The following NELL1 variants were observed in gnomAD, a reference collection of about 807,000 sequenced individuals.
The protein encoded by NELL1 is protein kinase C-binding protein NELL1.
Under a neutral mutation model 107.4 loss-of-function variants are expected in NELL1, and 76 were observed. The ratio of observed to expected loss-of-function variants is 0.71; its 90% CI spans 0.59 to 0.86. NELL1 has a LOEUF of 0.86. NELL1 is among the 40% of genes least tolerant of loss of function. NELL1 has a pLI of 0.00. For missense variants in NELL1, 1,024 were observed against 1,005.5 expected (o/e 1.02, Z -0.25); for synonymous variants, 353 against 341.2 (o/e 1.03, Z -0.38).
intron 15 of NELL1, among the ~76,000 whole-genome samples, chr11:21,529,056 C>A (rs1855931400): frequency 6.6e-6 from 1 of 152,022 alleles, no homozygotes; most frequent in Non-Finnish European, 1.5e-5. Flanking sequence ...CAACTCCAAG[C>A]AGTAATGGCT....
intron 16 of NELL1, among the ~76,000 whole-genome samples, chr11:21,542,561 G>A (rs1392729755): frequency 6.6e-6 from 1 of 151,994 alleles, no homozygotes; most frequent in Non-Finnish European, 1.5e-5. Context: ...GGATAACTAC[G>A]CGACATGTTT....
intron 3 of NELL1, among the ~76,000 whole-genome samples, chr11:20,812,229 G>C (rs1242833040): frequency 6.6e-6 from 1 of 152,026 alleles, no homozygotes; most frequent in Non-Finnish European, 1.5e-5. Context: ...CTCATGTGCT[G>C]CATTATGCTT....
intron 15 of NELL1, among the ~76,000 whole-genome samples, chr11:21,510,925 A>G (rs1428302314): frequency 6.6e-6 from 1 of 152,212 alleles, no homozygotes; most frequent in African/African-American, 2.4e-5. Context: ...TTGTAGTTTT[A>G]TTTAAGATAA....
chr11:21,206,660 GCCACAA>G (rs1857396020), intron 13 of NELL1, among the ~76,000 whole-genome samples: 1 of 152,100 alleles, frequency 6.6e-6, no homozygotes, highest in South Asian at 2.1e-4. Flanking sequence ...TGGACAGGGA[GCCACAA>G]CCACTGATGA....
intron 14 of NELL1, among the ~76,000 whole-genome samples, chr11:21,247,692 C>T (rs1032044493): frequency 2.6e-5 from 4 of 152,196 alleles, no homozygotes; most frequent in Admixed American, 6.5e-5. Flanking sequence ...TGATTAAAAA[C>T]AATAGCACAG....
intron 16 of NELL1, among the ~76,000 whole-genome samples, chr11:21,549,166 T>C (rs1190415628): frequency 6.6e-6 from 1 of 151,870 alleles, no homozygotes; most frequent in African/African-American, 2.4e-5. Flanking sequence ...TGAGAAGCAG[T>C]GATCATTTAA....
chr11:20,824,196 T>C (rs955229560), intron 3 of NELL1, among the ~76,000 whole-genome samples: 1 of 151,250 alleles, frequency 6.6e-6, no homozygotes, highest in East Asian at 1.9e-4. Context: ...TTATTCCTGC[T>C]GCCATGTGAA....
chr11:20,813,329 G>T (rs1213979830), intron 3 of NELL1, among the ~76,000 whole-genome samples: 1 of 152,144 alleles, frequency 6.6e-6, no homozygotes. Flanking sequence ...GGGATGTGTT[G>T]TTCACTAACT....
chr11:21,380,169 C>A (rs554680662), intron 15 of NELL1, among the ~76,000 whole-genome samples: 1 of 152,164 alleles, frequency 6.6e-6, no homozygotes, highest in East Asian at 1.9e-4. Flanking sequence ...ATGGCAACTT[C>A]TATCATCAAC....
chr11:20,943,928 G>C (rs890714111), intron 10 of NELL1, among the ~76,000 whole-genome samples: 6 of 152,192 alleles, frequency 3.9e-5, no homozygotes, highest in Non-Finnish European at 7.4e-5. Flanking sequence ...GATAAAGGTA[G>C]CATTTATAAA....
chr11:21,379,433 G>GT (rs1851558309), intron 15 of NELL1, among the ~76,000 whole-genome samples: 1 of 152,028 alleles, frequency 6.6e-6, no homozygotes. Context: ...GTATCCAAGT[G>GT]TTTTTGAAAT....
chr11:21,099,239 A>G (rs1854741990), intron 12 of NELL1, among the ~76,000 whole-genome samples: 1 of 150,930 alleles, frequency 6.6e-6, no homozygotes, highest in Admixed American at 6.6e-5. Flanking sequence ...ACACAAACAC[A>G]CACACACACA....
intron 4 of NELL1, among the ~76,000 whole-genome samples, chr11:20,872,066 A>G (rs1849210911): frequency 6.7e-6 from 1 of 149,880 alleles, no homozygotes; most frequent in Non-Finnish European, 1.5e-5. Context: ...TACTTCCATC[A>G]TAGGCTTGCT....
At chr11:20,811,803 A>G (rs1488136517) in intron 3 of NELL1, among the ~76,000 whole-genome samples, 2 of 152,026 alleles carry the variant, frequency 1.3e-5, no homozygotes, top group Admixed American at 1.3e-4. Context: ...GACCTTATCA[A>G]ATTTATTAGT....
At chr11:20,909,927 C>T (rs1850087450) in intron 5 of NELL1, among the ~76,000 whole-genome samples, 1 of 152,180 alleles carries the variant, frequency 6.6e-6, no homozygotes, top group Admixed American at 6.5e-5. Flanking sequence ...GTCACCATTA[C>T]TGCATATATC....
intron 3 of NELL1, among the ~76,000 whole-genome samples, chr11:20,806,125 C>CTTTT (rs1278998372): frequency 2.2e-5 from 3 of 134,904 alleles, no homozygotes; most frequent in African/African-American, 8.0e-5. Context: ...TATTAATGTC[C>CTTTT]TTTTTTTTTT....
In NELL1 at chr11:20,728,264, T is replaced by C. The variant is rs111784171; in HGVS notation, c.184+50204T>C. Reference sequence around the variant, plus strand: ...TCTCCTGTTCTGTAAATTGTCTGTTTACTCTGTTGATAGTTTCTTTTGCTG... The same window carrying C: ...TCTCCTGTTCTGTAAATTGTCTGTTCACTCTGTTGATAGTTTCTTTTGCTG... On this transcript the variant is annotated intron_variant, in intron 2 of 19. Coordinates refer to ENST00000357134, the MANE Select transcript of NELL1 (RefSeq NM_006157.5). Among the ~76,000 whole-genome samples the C allele has an allele frequency of 8.3e-3, 1,267 of 152,270 alleles. 14 individuals carry two copies. The highest frequency in any genetic ancestry group is 0.029 in the African/African-American group (1,185 of 41,578).
intron 12 of NELL1, among the ~76,000 whole-genome samples, chr11:21,053,084 G>A (rs1853534542): frequency 6.6e-6 from 1 of 152,128 alleles, no homozygotes; most frequent in Admixed American, 6.6e-5. Context: ...AACCTGAACA[G>A]TGGGTAAAGC....
Position 21,521,541 on chromosome 11 carries a change from A to G in NELL1, c.1646-12833A>G, listed in dbSNP as rs145775777. On this transcript the variant is annotated intron_variant, in intron 15 of 19. Coordinates refer to ENST00000357134, the MANE Select transcript of NELL1 (RefSeq NM_006157.5). Reference sequence around the variant, plus strand: ...ATTGGTGATTTTTTTTGGTGTATCAATTGCTGAAATAGAGGTTAAAATCTC... The same window carrying G: ...ATTGGTGATTTTTTTTGGTGTATCAGTTGCTGAAATAGAGGTTAAAATCTC... 8.7e-3 allele frequency among the ~76,000 whole-genome samples: 1,330 copies of G among 152,230 alleles called. 19 individuals carry two copies. Among genetic ancestry groups the G allele is most frequent in the African/African-American group, 0.03 (1,256 of 41,542 alleles).
Sources: allele counts gnomAD v4.1 joint callset (sites outside exome capture counted in the v4.1 genomes callset), GRCh38; gene constraint gnomAD v4.1.1; transcripts MANE v1.5; gene names NCBI Gene and HGNC (gene_info 2026-07-23, HGNC 2026-07-21).